Variants in TTBK2 observed in about 807,000 individuals in gnomAD.
TTBK2 encodes the protein tau tubulin kinase 2, also known as tau-tubulin kinase 2.
TTBK2 carries 28 observed loss-of-function variants against 110.8 expected under a neutral mutation model. The ratio of observed to expected loss-of-function variants is 0.25; its 90% CI spans 0.19 to 0.35. The LOEUF (loss-of-function observed/expected upper bound fraction) is 0.35. Ranked by LOEUF, TTBK2 falls within the 10% of genes least tolerant of loss-of-function variation. The probability of loss-of-function intolerance (pLI) is 1.00; values close to 1 mark genes in which losing one functional copy is unlikely to be tolerated. For synonymous variants in TTBK2, 532 were observed against 527.3 expected, an observed-to-expected ratio of 1.01 and a Z score of -0.12; for missense variants, 1,369 against 1,500.3, an observed-to-expected ratio of 0.91 and a Z score of 1.45.
At chr15:42,876,685 T>C (rs1277332428) in intron 2 of TTBK2, among the ~76,000 whole-genome samples, 1 of 152,106 alleles carries the variant, frequency 6.6e-6, no homozygotes, top group African/African-American at 2.4e-5. Context: ...AACCTACTAA[T>C]GGAAAAAAAC....
At chr15:42,918,909 GCCC>G (rs1263241553) in intron 1 of TTBK2, among the ~76,000 whole-genome samples, 1 of 152,086 alleles carries the variant, frequency 6.6e-6, no homozygotes, top group Non-Finnish European at 1.5e-5. Flanking sequence ...ATTATTCTCA[GCCC>G]CCTAACCAAT....
intron 13 of TTBK2, among the ~76,000 whole-genome samples, chr15:42,766,053 A>G (rs984155753): frequency 3.9e-5 from 6 of 152,184 alleles, no homozygotes; most frequent in African/African-American, 1.4e-4. Context: ...AAAATCCTTT[A>G]CAGACAAGCA....
chr15:42,839,384 A>G (rs889385733), intron 4 of TTBK2, among the ~76,000 whole-genome samples: 27 of 152,142 alleles, frequency 1.8e-4, no homozygotes, highest in African/African-American at 6.0e-4. Flanking sequence ...CTTGTTTGCT[A>G]TTGTGAATAG....
chr15:42,783,627 T>C lies in TTBK2; in HGVS notation c.989A>G (p.Asn330Ser). The stretch of plus-strand genomic sequence containing the variant: ...CAAGTCTCCAGGGATGGGAGTAGCA[T>C]TGGCAATTCTACATATGAAGGGAGA... ...RLTPAAIGIA[N>S]ATPIPGDLLR... The change falls in exon 11 of 15, where the codon AAT becomes AGT. Residue 330 changes from asparagine to serine, a missense_variant. Transcript: ENST00000267890. The C allele has an allele frequency of 5.0e-6, 8 of 1,613,656 alleles. No homozygotes were observed. Among genetic ancestry groups the C allele is most frequent in the South Asian group, 1.1e-5 (1 of 91,068 alleles).
chr15:42,775,436 G>T lies in TTBK2; in HGVS notation c.1697C>A (p.Thr566Lys), dbSNP rs201633321. ...DKEQDLQDFR[T>K]NEAVGHKTTG... ...TGTTTTATGTCCTACAGCCTCATTT[G>T]TCCTAAAATCCTGAAGGTCCTGCTC... is the stretch of plus-strand genomic sequence containing the variant. Residue 566 changes from threonine to lysine, a missense_variant, in exon 13 of 15, where the codon ACA (threonine) becomes AAA (lysine). By Grantham distance (78) the Thr-to-Lys change is moderately conservative. Around this residue, in one of 4 missense-constraint regions of TTBK2, gnomAD observed 1,097 missense variants for 1,114.7 expected, o/e 0.98. Coordinates refer to ENST00000267890, the MANE Select transcript of TTBK2 (RefSeq NM_173500.4). 8.7e-5 allele frequency: 140 copies of T among 1,614,166 alleles called. 1 individual carries two copies. The African/African-American group carries it at 1.7e-3, about 20-fold the overall frequency.
intron 6 of TTBK2, among the ~76,000 whole-genome samples, chr15:42,823,258 C>G (rs539591232): frequency 6.6e-6 from 1 of 152,122 alleles, no homozygotes; most frequent in East Asian, 1.9e-4. Context: ...CTGGGGAATG[C>G]CTTAAAAGCA....
At chr15:42,915,855 G>A (rs116182204) in intron 1 of TTBK2, among the ~76,000 whole-genome samples, 7 of 152,160 alleles carry the variant, frequency 4.6e-5, no homozygotes, top group African/African-American at 1.7e-4. Context: ...GCTAAGGGGG[G>A]AGGACTGCCT....
intron 2 of TTBK2, among the ~76,000 whole-genome samples, chr15:42,873,440 G>GA (rs1245925959): frequency 6.6e-6 from 1 of 151,178 alleles, no homozygotes; most frequent in African/African-American, 2.4e-5. Flanking sequence ...TCTCAAAAAC[G>GA]AAAAAAACAA....
At chr15:42,746,908 G>A (rs931999757) in intron 14 of TTBK2, among the ~76,000 whole-genome samples, 3 of 151,882 alleles carry the variant, frequency 2.0e-5, no homozygotes, top group Non-Finnish European at 4.4e-5. Context: ...ATTAAGGAGG[G>A]TGGAGGCTGG....
intron 10 of TTBK2, among the ~76,000 whole-genome samples, chr15:42,788,285 A>C (rs1266667567): frequency 6.6e-6 from 1 of 152,156 alleles, no homozygotes; most frequent in Non-Finnish European, 1.5e-5. Context: ...TTATGGAACT[A>C]CTTACATGTT....
At chr15:42,855,961 C>T (rs921299881) in intron 3 of TTBK2, among the ~76,000 whole-genome samples, 5 of 152,164 alleles carry the variant, frequency 3.3e-5, no homozygotes, top group Admixed American at 6.5e-5. Flanking sequence ...GGATTACAGG[C>T]GTGAGCCACC....
chr15:42,746,070 A>G lies in TTBK2; in HGVS notation c.3460T>C (p.Ser1154Pro). ...CGAGGCAAGGATGAGCTTCGAGGAG[A>G]GGCACTGGGACTCCTGCGAGGGACA... ...PVVPRRSPSA[S>P]PRSSSLPRTS... Residue 1154 changes from serine (S) to proline (P), a missense_variant, in exon 15 of 15, where the codon TCT (serine) becomes CCT (proline). This residue lies in a region of TTBK2 where 1,097 missense variants were observed against 1,114.7 expected (regional missense o/e 0.98). Coordinates refer to ENST00000267890, the MANE Select transcript of TTBK2 (RefSeq NM_173500.4). The G allele has an allele frequency of 1.2e-6, 2 of 1,613,886 alleles. No individual in the cohort carries two copies. Among genetic ancestry groups the G allele is most frequent in the Non-Finnish European group, 1.7e-6 (2 of 1,179,972 alleles).
chr15:42,898,977 A>G (rs1038082509), intron 1 of TTBK2, among the ~76,000 whole-genome samples: 2 of 152,198 alleles, frequency 1.3e-5, no homozygotes, highest in Non-Finnish European at 1.5e-5. Context: ...TAATTTTAAA[A>G]AGCAATTTGT....
intron 1 of TTBK2, among the ~76,000 whole-genome samples, chr15:42,906,239 A>G (rs1213128719): frequency 6.6e-6 from 1 of 152,192 alleles, no homozygotes; most frequent in Non-Finnish European, 1.5e-5. Flanking sequence ...TTCCTAAACA[A>G]CAGAAGAGAA....
At chr15:42,815,954 A>ATATATAT (rs1393860735) in intron 7 of TTBK2, among the ~76,000 whole-genome samples, 1,183 of 53,296 alleles carry the variant, frequency 0.022, 32 homozygotes, top group South Asian at 0.033. Flanking sequence ...ATATTTAAAA[A>ATATATAT]AAAAATATAT....
rs1341194871 is a variant in TTBK2 at position 42,753,055 on chromosome 15, C to T, written c.2191G>A (p.Gly731Arg). 1 of 1,612,716 alleles carries T rather than the reference C, an allele frequency of 6.2e-7. No individual in the cohort carries two copies. Among genetic ancestry groups the T allele is most frequent in the Non-Finnish European group, 8.5e-7 (1 of 1,179,304 alleles). ...TGACCAATGTGATCTATCTGAAGCCCCAAATCTGTTCTGCTTCCTCCACTA... is the reference window on the plus strand; with the variant it reads ...TGACCAATGTGATCTATCTGAAGCCTCAAATCTGTTCTGCTTCCTCCACTA... ...PPSGGSRTDL[G>R]LQIDHIGHDM... is the part of the protein sequence containing the mutation. Residue 731 changes from glycine to arginine, a missense_variant, in exon 14 of 15, where the codon GGG becomes AGG. Physicochemically the swap from Gly to Arg is moderately radical, Grantham distance 125 (BLOSUM62 -2). This residue lies in a region of TTBK2 where 1,097 missense variants were observed against 1,114.7 expected (regional missense o/e 0.98). Coordinates refer to ENST00000267890, the MANE Select transcript of TTBK2 (RefSeq NM_173500.4).
rs556507873 is a variant in TTBK2 at position 42,820,669 on chromosome 15, T to C, written c.538-3572A>G. Among the ~76,000 whole-genome samples, 5 of 151,516 alleles carry C rather than the reference T, an allele frequency of 3.3e-5. No homozygotes were observed. In the East Asian group the frequency reaches 7.8e-4, roughly 24 times the overall value. On this transcript the variant is annotated intron_variant, in intron 6 of 14. Coordinates refer to ENST00000267890, the MANE Select transcript of TTBK2 (RefSeq NM_173500.4). ...GACACTGATTAAATAAATTATAGTA[T>C]GCCCAAATAATGGAATACACTCTGA...
intron 7 of TTBK2, among the ~76,000 whole-genome samples, chr15:42,813,840 A>G (rs1208060576): frequency 6.6e-6 from 1 of 151,808 alleles, no homozygotes. Context: ...AGGGCGAGAG[A>G]GCAGGACTCC....
At chr15:42,768,397 T>C (rs1889490749) in intron 13 of TTBK2, among the ~76,000 whole-genome samples, 1 of 152,246 alleles carries the variant, frequency 6.6e-6, no homozygotes, top group Non-Finnish European at 1.5e-5. Context: ...CTTAAGCTGA[T>C]AAGCAACTTC....
Sources: gnomAD v4.1 joint callset for allele counts (sites outside exome capture counted in the v4.1 genomes callset) on GRCh38, gnomAD v4.1.1 for gene constraint, gnomAD v4.1.1 regional missense constraint, MANE v1.5 for transcripts, NCBI Gene and HGNC (gene_info 2026-07-23, HGNC 2026-07-21) for gene names.